Variants in COQ6 observed in about 807,000 individuals in gnomAD.
The protein encoded by COQ6 is coenzyme Q6, monooxygenase, also known as ubiquinone biosynthesis monooxygenase COQ6, mitochondrial.
A neutral mutation model predicts 55.5 loss-of-function variants in COQ6; 45 were observed. That is an observed-to-expected ratio of 0.81 (90% CI 0.64 to 1.04). The LOEUF (loss-of-function observed/expected upper bound fraction) is 1.04. Ranked by LOEUF, COQ6 falls within the 50% of genes least tolerant of loss-of-function variation. The pLI, the probability that COQ6 is intolerant of heterozygous loss-of-function variation, is 0.00. For missense variants in COQ6, 550 were observed against 601.3 expected (o/e 0.91, Z 0.89); for synonymous variants, 206 against 230.5 (o/e 0.89, Z 0.96).
Position 73,963,278 on chromosome 14 carries a change from C to T in COQ6, c.*279C>T, listed in dbSNP as rs1021807776. On this transcript the variant is annotated 3_prime_UTR_variant, in exon 12 of 12. Coordinates refer to ENST00000334571, the MANE Select transcript of COQ6 (RefSeq NM_182476.3). ...TACTAAAAAACCCACAAGGTGCTGT[C>T]TCACTCATTTCCAGTTAATCATTTC... is the stretch of plus-strand genomic sequence containing the variant. 1 of 521,016 alleles carries T rather than the reference C, an allele frequency of 1.9e-6. No homozygotes were observed. 32.3% of individuals were successfully genotyped at this position (521,016 alleles called of 1,614,324 possible).
intron 8 of COQ6, chr14:73,960,858 A>G: frequency 2.3e-6 from 1 of 444,202 alleles, no homozygotes; most frequent in Non-Finnish European, 4.2e-6. Context: ...GAGGAGAGTC[A>G]TGGAGGTAGA....
intron 2 of COQ6, 65 bp downstream of exon 2, chr14:73,953,634 A>C: frequency 1.3e-6 from 2 of 1,595,882 alleles, no homozygotes; most frequent in Non-Finnish European, 1.7e-6. Context: ...AGTGTATCCC[A>C]TGGGGCAGAG....
chr14:73,958,420 G>A, intron 5 of COQ6, 143 bp downstream of exon 5: 1 of 1,515,584 alleles, frequency 6.6e-7, no homozygotes, highest in Non-Finnish European at 8.9e-7. Flanking sequence ...ATTCAGGCCA[G>A]CTCAAGTGGA....
In COQ6 at chr14:73,962,980, T is replaced by C. The variant is rs2056823091; in HGVS notation, c.1388T>C (p.Met463Thr). ...NAVSPLKEQI[M>T]AFASK ...TTATTTTTTCTCCAGGAACAGATTA[T>C]GGCCTTTGCAAGCAAATGAGTACTC... Residue 463 changes from methionine to threonine, a missense_variant, in exon 12 of 12, where the codon ATG becomes ACG. Coordinates refer to ENST00000334571, the MANE Select transcript of COQ6 (RefSeq NM_182476.3). The C allele has an allele frequency of 6.2e-7, 1 of 1,609,882 alleles. No individual in the cohort carries two copies. The highest frequency in any genetic ancestry group is 1.3e-5 in the African/African-American group (1 of 74,814).
Position 73,958,994 on chromosome 14 carries a change from C to A in COQ6, c.636C>A (p.Ser212=), listed in dbSNP as rs781215265. 1 of 1,614,062 alleles carries A rather than the reference C, an allele frequency of 6.2e-7. No individual in the cohort carries two copies. The highest frequency in any genetic ancestry group is 1.1e-5 in the South Asian group (1 of 91,068). ...AGATAGGTGCAGATGGTCACAACTC[C>A]GGAGTACGGCAGGCTGTTGGAATCC... The part of the protein sequence containing the change: ...KLLIGADGHN[S]GVRQAVGIQN... Residue 212 remains serine, a synonymous_variant, in exon 6 of 12, where the codon TCC becomes TCA. Coordinates refer to ENST00000334571, the MANE Select transcript of COQ6 (RefSeq NM_182476.3).
At chr14:73,953,880 CT>C (rs1259097796) in intron 2 of COQ6, 1 of 434,030 alleles carries the variant, frequency 2.3e-6, no homozygotes, top group Admixed American at 3.5e-5. Flanking sequence ...TGAACATTCA[CT>C]TTGAATAGCA....
Position 73,958,066 on chromosome 14 carries a change from C to T in COQ6, c.482-81C>T, listed in dbSNP as rs372075579. The T allele has an allele frequency of 2.7e-3, 3,035 of 1,141,062 alleles. 7 individuals carry two copies. Among genetic ancestry groups the T allele is most frequent in the Non-Finnish European group, 3.5e-3 (2,637 of 748,924 alleles). 70.7% of individuals were successfully genotyped at this position (1,141,062 alleles called of 1,614,324 possible). A position where few individuals can be genotyped will look rare whatever the true frequency, so the allele number is the denominator to read the frequency against. On this transcript the variant is annotated intron_variant, in intron 4 of 11. Coordinates refer to ENST00000334571, the MANE Select transcript of COQ6 (RefSeq NM_182476.3). ...AAGACACTGCTGTCCTGGGACCTTG[C>T]TTTAGGTTTAGTTATGGCTTTTTCC...
intron 2 of COQ6, 25 bp downstream of exon 2, chr14:73,953,594 G>T (rs772614131): frequency 3.1e-6 from 5 of 1,613,940 alleles, no homozygotes; most frequent in Admixed American, 1.7e-5. Flanking sequence ...CTCCTTCAAA[G>T]ATCCAATCTC....
intron 4 of COQ6, chr14:73,957,939 A>C (rs2056520474): frequency 1.8e-6 from 1 of 542,768 alleles, no homozygotes; most frequent in African/African-American, 1.9e-5. Context: ...GTTCACTGAG[A>C]ACTTCAATGT....
At chr14:73,956,027 A>C in intron 4 of COQ6, 99 bp downstream of exon 4, 1 of 1,560,914 alleles carries the variant, frequency 6.4e-7, no homozygotes, top group South Asian at 1.1e-5. Flanking sequence ...TGTCCACCAT[A>C]AAGAAATCCT....
At position 73,963,005 on chromosome 14, in the gene COQ6, C is replaced by T. The variant is rs1566696041; in HGVS notation, c.*6C>T. On this transcript the variant is annotated 3_prime_UTR_variant, in exon 12 of 12. Transcript: ENST00000334571. ...TGGCCTTTGCAAGCAAATGAGTACT[C>T]CTCTCCTAAAGAAAGATTACGTTGA... 6.2e-7 allele frequency: 1 copy of T among 1,604,548 alleles called. No homozygotes were observed. Among genetic ancestry groups the T allele is most frequent in the South Asian group, 1.1e-5 (1 of 90,894 alleles).
intron 2 of COQ6, among the ~76,000 whole-genome samples, chr14:73,954,165 A>G (rs2056310460): frequency 6.6e-6 from 1 of 152,132 alleles, no homozygotes; most frequent in Non-Finnish European, 1.5e-5. Context: ...TTTATTGTCC[A>G]TCTCTCCAAT....
chr14:73,958,327 T>C, intron 5 of COQ6, 50 bp downstream of exon 5: 1 of 1,612,148 alleles, frequency 6.2e-7, no homozygotes, highest in South Asian at 1.1e-5. Context: ...CTACATCTTA[T>C]CCTAGATTCT....
In COQ6 at chr14:73,953,191, A is replaced by T. The variant is rs562057110; in HGVS notation, c.164-244A>T. Among the ~76,000 whole-genome samples the T allele has an allele frequency of 3.3e-5, 5 of 152,080 alleles. No individual in the cohort carries two copies. In the East Asian group the frequency reaches 9.7e-4, roughly 29 times the overall value. On this transcript the variant is annotated intron_variant, in intron 1 of 11. Transcript: ENST00000334571. ...GTTTGCTAGTTAGGTGTTTGCCATT[A>T]TTTGCTTCTTGGCACGTGGCATGTA... is the stretch of plus-strand genomic sequence containing the variant.
intron 1 of COQ6, among the ~76,000 whole-genome samples, 159 bp from the exon 2 acceptor site, chr14:73,953,276 G>A (rs1190732881): frequency 6.6e-6 from 1 of 152,030 alleles, no homozygotes; most frequent in East Asian, 1.9e-4. Context: ...TAAAATGGTG[G>A]TATATGTTAT....
chr14:73,950,402 TGGCGCAGGTGGTCC>T lies in COQ6; in HGVS notation c.76_89del (p.Arg26LeufsTer7). The T allele has an allele frequency of 6.3e-7, 1 of 1,589,248 alleles. No homozygotes were observed. Among genetic ancestry groups the T allele is most frequent in the Non-Finnish European group, 8.6e-7 (1 of 1,168,028 alleles). On this transcript the variant is annotated frameshift_variant, in exon 1 of 12. Transcript: ENST00000334571. LOFTEE classifies it high-confidence loss of function. ...TCCCCACAGCGGCCCGCTGGTGTCC[TGGCGCAGGTGGTCC>T]GGCGCCTCAACAGACACCGTGTATG...
intron 7 of COQ6, 37 bp from the exon 8 acceptor site, chr14:73,959,378 A>C (rs1247986928): frequency 6.2e-7 from 1 of 1,614,146 alleles, no homozygotes; most frequent in African/African-American, 1.3e-5. Context: ...AGTGCAGCAG[A>C]GTCTTAGCCG....
chr14:73,958,474 C>A, intron 5 of COQ6, 197 bp downstream of exon 5: 1 of 1,433,070 alleles, frequency 7.0e-7, no homozygotes, highest in Non-Finnish European at 9.2e-7. Context: ...ATCTCATGGG[C>A]CGTCTTAGGT....
chr14:73,960,498 T>C (rs1228598285), intron 8 of COQ6: 5 of 996,454 alleles, frequency 5.0e-6, no homozygotes, highest in Non-Finnish European at 2.4e-6. Flanking sequence ...CTGAACATAC[T>C]GAAATGGATT....
Sources: allele counts gnomAD v4.1 joint callset (sites outside exome capture counted in the v4.1 genomes callset), GRCh38; gene constraint gnomAD v4.1.1; transcripts MANE v1.5; gene names NCBI Gene and HGNC (gene_info 2026-07-23, HGNC 2026-07-21).